Variants in TFEB observed in about 807,000 individuals in gnomAD.
The protein encoded by TFEB is transcription factor EB.
Under a neutral mutation model 48.0 loss-of-function variants are expected in TFEB, and 12 were observed. The observed-to-expected ratio is 0.25, with a 90% CI of 0.16 to 0.40. The LOEUF (loss-of-function observed/expected upper bound fraction) is 0.40, where lower values mean the gene tolerates loss of function less well. Ranked by LOEUF, TFEB falls within the 10% of genes least tolerant of loss-of-function variation. TFEB has a pLI of 1.00. For synonymous variants in TFEB, 244 were observed against 261.4 expected (o/e 0.93, Z 0.64); for missense variants, 509 against 640.3 (o/e 0.79, Z 2.21).
At chr6:41,713,834 C>T (rs994575374) in intron 1 of TFEB, among the ~76,000 whole-genome samples, 34 of 152,290 alleles carry the variant, frequency 2.2e-4, no homozygotes, top group Admixed American at 1.6e-3. Context: ...CACAGATAGG[C>T]GTCCTGATGC....
At chr6:41,732,976 T>G (rs965843717) in intron 1 of TFEB, 2 of 985,350 alleles carry the variant, frequency 2.0e-6, no homozygotes, top group Non-Finnish European at 2.4e-6. Context: ...AGAAACCGAG[T>G]TGACTTTGAA....
intron 4 of TFEB, 172 bp from the exon 5 acceptor site, chr6:41,688,200 T>C: frequency 1.3e-6 from 1 of 744,442 alleles, no homozygotes; most frequent in Non-Finnish European, 2.1e-6. Flanking sequence ...AGTCCAGAGC[T>C]ATTATAAGAT....
chr6:41,735,109 G>T (rs1320993741), intron 1 of TFEB: 1 of 981,806 alleles, frequency 1.0e-6, no homozygotes, highest in African/African-American at 1.8e-5. Context: ...CCCGGCCCGC[G>T]CCTGAAGGGA....
intron 1 of TFEB, among the ~76,000 whole-genome samples, chr6:41,709,329 C>T (rs1770378435): frequency 6.6e-6 from 1 of 152,208 alleles, no homozygotes; most frequent in Non-Finnish European, 1.5e-5. Flanking sequence ...GTCGCAGTAT[C>T]CTCATGTGTA....
At chr6:41,706,736 C>T (rs1770244599) in intron 1 of TFEB, among the ~76,000 whole-genome samples, 1 of 151,860 alleles carries the variant, frequency 6.6e-6, no homozygotes, top group Non-Finnish European at 1.5e-5. Context: ...GAAATGGCCT[C>T]CTATGGCAAC....
chr6:41,691,588 G>A lies in TFEB; in HGVS notation c.-22-353C>T. 1 of 468,952 alleles carries A rather than the reference G, an allele frequency of 2.1e-6. No individual in the cohort carries two copies. The highest frequency in any genetic ancestry group is 4.0e-6 in the Non-Finnish European group (1 of 250,646). 29.0% of individuals were successfully genotyped at this position (468,952 alleles called of 1,614,324 possible). A position where few individuals can be genotyped will look rare whatever the true frequency, so the allele number is the denominator to read the frequency against. On this transcript the variant is annotated intron_variant, in intron 1 of 8. Transcript: ENST00000373033. The surrounding 1 kb of genome is among the most constrained non-coding windows in gnomAD (Gnocchi z 5.2). The stretch of plus-strand genomic sequence containing the variant: ...CCACCCTCCTTTGCTGCCACAAGGT[G>A]GGCCCAGCCTATCCTGGGTCTTACC...
rs1388387318 is a variant in TFEB at position 41,723,287 on chromosome 6, A to G, written c.-23+12063T>C. 6.6e-6 allele frequency among the ~76,000 whole-genome samples: 1 copy of G among 151,260 alleles called. No homozygotes were observed. The highest frequency in any genetic ancestry group is 1.5e-5 in the Non-Finnish European group (1 of 67,726). On this transcript the variant is annotated intron_variant, in intron 1 of 8. Coordinates refer to ENST00000373033, the MANE Select transcript of TFEB (RefSeq NM_001271944.2). This position sits in a 1 kb window ranked among gnomAD's most constrained non-coding sequence, Gnocchi z 6.0. ...CCCACCCCTCCCCAAAGACATCCCA[A>G]TGCCAGTGCAGCCTGAGGGGCCTCA...
At chr6:41,711,289 C>A (rs1770464282) in intron 1 of TFEB, among the ~76,000 whole-genome samples, 1 of 152,220 alleles carries the variant, frequency 6.6e-6, no homozygotes, top group Non-Finnish European at 1.5e-5. Flanking sequence ...TGAGGGCTGT[C>A]CCTTGGTTTC....
rs536901104 is a variant in TFEB, at chr6:41,719,084, A to T, written c.-23+16266T>A. On this transcript the variant is annotated intron_variant, in intron 1 of 8. Transcript: ENST00000373033. ...TACCACCTGAGCTCCACCTCCTGTC[A>T]GATCAGCAGTGGCACTGGATTCTTA... Among the ~76,000 whole-genome samples the T allele has an allele frequency of 4.6e-5, 7 of 152,294 alleles. No individual in the cohort carries two copies. The East Asian group carries it at 7.7e-4, about 17-fold the overall frequency.
chr6:41,703,467 G>A (rs958639092), intron 1 of TFEB, among the ~76,000 whole-genome samples: 20 of 141,586 alleles, frequency 1.4e-4, no homozygotes, highest in African/African-American at 4.2e-4. Context: ...CTCCTCCTCC[G>A]TCATCTGCTG....
intron 1 of TFEB, among the ~76,000 whole-genome samples, chr6:41,714,685 C>A (rs7773575): frequency 0.23 from 34,261 of 152,084 alleles, 3,956 homozygotes; most frequent in South Asian, 0.33. Context: ...TTCAGGGGAC[C>A]CCCATCCCGA....
intron 4 of TFEB, 129 bp downstream of exon 4, chr6:41,689,602 C>T: frequency 1.5e-6 from 1 of 672,220 alleles, no homozygotes; most frequent in Non-Finnish European, 2.6e-6. Flanking sequence ...GAAAATGACT[C>T]ATCTCTACAG....
At position 41,734,936 on chromosome 6, in the gene TFEB, T is replaced by C; in HGVS notation, c.-23+414A>G. 7 of 984,892 alleles carry C rather than the reference T, an allele frequency of 7.1e-6. No individual in the cohort carries two copies. The highest frequency in any genetic ancestry group is 8.4e-6 in the Non-Finnish European group (7 of 829,860). The allele number at this position is 984,892 out of a possible 1,614,324, so 61.0% of individuals were successfully genotyped here. ...TCTCAGGCATCGCCGGCCCCAGCCG[T>C]GTCCGGTGGAGGGGGAGTGGGCGCG... On this transcript the variant is annotated intron_variant, in intron 1 of 8. Coordinates refer to ENST00000373033, the MANE Select transcript of TFEB (RefSeq NM_001271944.2). The surrounding 1 kb of genome is among the most constrained non-coding windows in gnomAD (Gnocchi z 4.0).
chr6:41,684,430 C>A lies in TFEB; in HGVS notation c.*169G>T, dbSNP rs186948343. On this transcript the variant is annotated 3_prime_UTR_variant, in exon 9 of 9. Coordinates refer to ENST00000373033, the MANE Select transcript of TFEB (RefSeq NM_001271944.2). ...GCCCTGGGGGTGCTTCTCCTGACCCCACAGGCTGCCAGACAGGCACTAAGT... is the reference window on the plus strand; with the variant it reads ...GCCCTGGGGGTGCTTCTCCTGACCCAACAGGCTGCCAGACAGGCACTAAGT... 7 of 821,960 alleles carry A rather than the reference C, an allele frequency of 8.5e-6. No homozygotes were observed. Among genetic ancestry groups the A allele is most frequent in the Admixed American group, 3.9e-5 (1 of 25,820 alleles). The allele number at this position is 821,960 out of a possible 1,614,324, so 50.9% of individuals were successfully genotyped here. A position where few individuals can be genotyped will look rare whatever the true frequency, so the allele number is the denominator to read the frequency against.
Position 41,735,588 on chromosome 6 carries a change from G to T in TFEB, c.-261C>A. ...TCACCGAGCCCCGCGCCCGGCGCCC[G>T]GGCTCCGGCTGTCACTCCACGCACA... On this transcript the variant is annotated 5_prime_UTR_variant, in exon 1 of 9. Transcript: ENST00000373033. The T allele has an allele frequency of 1.0e-6, 1 of 983,086 alleles. No individual in the cohort carries two copies. The highest frequency in any genetic ancestry group is 4.7e-5 in the South Asian group (1 of 21,330). The allele number at this position is 983,086 out of a possible 1,614,324, so 60.9% of individuals were successfully genotyped here. A position where few individuals can be genotyped will look rare whatever the true frequency, so the allele number is the denominator to read the frequency against.
At chr6:41,706,739 A>G (rs558578195) in intron 1 of TFEB, among the ~76,000 whole-genome samples, 118 of 151,602 alleles carry the variant, frequency 7.8e-4, no homozygotes, top group African/African-American at 2.7e-3. Flanking sequence ...ATGGCCTCCT[A>G]TGGCAACATT....
chr6:41,685,195 A>C, intron 8 of TFEB, 117 bp from the exon 9 acceptor site: 1 of 1,267,544 alleles, frequency 7.9e-7, no homozygotes, highest in Non-Finnish European at 1.0e-6. Flanking sequence ...CAAGACCCAA[A>C]GTGTTTCCGC....
chr6:41,690,135 CTT>C (rs58821024), intron 3 of TFEB, among the ~76,000 whole-genome samples: 8 of 145,804 alleles, frequency 5.5e-5, no homozygotes, highest in Admixed American at 1.4e-4. Flanking sequence ...TTTCTTTTTT[CTT>C]TTTTTTTTTT....
intron 1 of TFEB, among the ~76,000 whole-genome samples, chr6:41,707,752 CG>C (rs1022753947): frequency 5.6e-4 from 85 of 152,300 alleles, no homozygotes; most frequent in African/African-American, 2.0e-3. Context: ...GGTATGCCAC[CG>C]CACGAAATTA....
Sources: allele counts gnomAD v4.1 joint callset (sites outside exome capture counted in the v4.1 genomes callset), GRCh38; gene constraint gnomAD v4.1.1; non-coding constraint Gnocchi (gnomAD v3.1); transcripts MANE v1.5; gene names NCBI Gene and HGNC (gene_info 2026-07-23, HGNC 2026-07-21).